The following BOD1 variants were observed in gnomAD, a reference collection of about 807,000 sequenced individuals.
BOD1 encodes biorientation of chromosomes in cell division 1.
A neutral mutation model predicts 15.7 loss-of-function variants in BOD1; 11 were observed. That is an observed-to-expected ratio of 0.70 (90% CI 0.44 to 1.16). The LOEUF is 1.16. Ranked by LOEUF, BOD1 falls within the 50% of genes most tolerant of loss-of-function variation. The probability of loss-of-function intolerance (pLI) is 0.00; values close to 1 mark genes in which losing one functional copy is unlikely to be tolerated. For synonymous variants in BOD1, 105 were observed against 103.5 expected, an observed-to-expected ratio of 1.01 and a Z score of -0.09; for missense variants, 182 against 244.5, an observed-to-expected ratio of 0.74 and a Z score of 1.70.
intron 2 of BOD1, among the ~76,000 whole-genome samples, chr5:173,610,751 T>C (rs1287744376): frequency 3.3e-5 from 5 of 152,228 alleles, no homozygotes; most frequent in Non-Finnish European, 5.9e-5. Flanking sequence ...TAAATGCCTG[T>C]GTCCCCCAGA....
chr5:173,615,320 C>T (rs1445512262), intron 1 of BOD1, among the ~76,000 whole-genome samples: 5 of 152,196 alleles, frequency 3.3e-5, no homozygotes, highest in Non-Finnish European at 7.3e-5. Context: ...GGCCAATAAA[C>T]GTTCAACGAA....
At position 173,607,734 on chromosome 5, in the gene BOD1, CA is replaced by C. The variant is rs1449736343; in HGVS notation, c.*559del. 1 of 153,196 alleles carries C rather than the reference CA, an allele frequency of 6.5e-6. No individual in the cohort carries two copies. Among genetic ancestry groups the C allele is most frequent in the Non-Finnish European group, 1.5e-5 (1 of 68,612 alleles). 9.5% of individuals were successfully genotyped at this position (153,196 alleles called of 1,614,324 possible). The stretch of plus-strand genomic sequence containing the variant: ...CATTCTAGGATTTCATGTTTCGTTA[CA>C]AAGGAAAGGAAACTGGCTAGAAGAT... On this transcript the variant is annotated 3_prime_UTR_variant, in exon 4 of 4. Transcript: ENST00000311086.
At chr5:173,612,024 T>A (rs1755368071) in intron 2 of BOD1, among the ~76,000 whole-genome samples, 1 of 152,226 alleles carries the variant, frequency 6.6e-6, no homozygotes, top group South Asian at 2.1e-4. Flanking sequence ...GCAGCTACTG[T>A]CCCCTTCTTT....
chr5:173,616,110 T>C (rs1384520609), intron 1 of BOD1, 90 bp downstream of exon 1: 1 of 1,483,660 alleles, frequency 6.7e-7, no homozygotes, highest in Non-Finnish European at 9.1e-7. Flanking sequence ...AGCTATCTTT[T>C]GTTTTGCTCT....
Position 173,608,145 on chromosome 5 carries a change from C to T in BOD1, c.*149G>A. 1 of 950,262 alleles carries T rather than the reference C, an allele frequency of 1.1e-6. No homozygotes were observed. The highest frequency in any genetic ancestry group is 1.4e-5 in the South Asian group (1 of 72,250). The allele number at this position is 950,262 out of a possible 1,614,324, so 58.9% of individuals were successfully genotyped here. A position where few individuals can be genotyped will look rare whatever the true frequency, so the allele number is the denominator to read the frequency against. ...ACTCTCCCACTGCCGAACTTGCTCC[C>T]CTTTCAATCTGGTCACTGCCCATGG... On this transcript the variant is annotated 3_prime_UTR_variant, in exon 4 of 4. Transcript: ENST00000311086.
chr5:173,611,644 G>A (rs750053919), intron 2 of BOD1, among the ~76,000 whole-genome samples: 1 of 152,196 alleles, frequency 6.6e-6, no homozygotes, highest in Non-Finnish European at 1.5e-5. Context: ...AAGTACATCC[G>A]GAGCTAGGCT....
At chr5:173,609,216 G>A in intron 3 of BOD1, 22 bp downstream of exon 3, 1 of 1,354,334 alleles carries the variant, frequency 7.4e-7, no homozygotes, top group East Asian at 2.2e-5. Context: ...CATACTCCTG[G>A]ACAGAAGATA....
chr5:173,616,103 T>C lies in BOD1; in HGVS notation c.237+97A>G, dbSNP rs941580113. Reference sequence around the variant, plus strand: ...GACCTCACCGCTGAGATTTCTAAGCTATCTTTTGTTTTGCTCTCGGCTTTC... The same window carrying C: ...GACCTCACCGCTGAGATTTCTAAGCCATCTTTTGTTTTGCTCTCGGCTTTC... On this transcript the variant is annotated intron_variant, in intron 1 of 3. Coordinates refer to ENST00000311086, the MANE Select transcript of BOD1 (RefSeq NM_138369.3). 5 of 1,454,952 alleles carry C rather than the reference T, an allele frequency of 3.4e-6. No individual in the cohort carries two copies. In the African/African-American group the frequency reaches 5.7e-5, roughly 17 times the overall value. 90.1% of individuals were successfully genotyped at this position (1,454,952 alleles called of 1,614,324 possible).
At chr5:173,613,887 T>C (rs139835113) in intron 1 of BOD1, among the ~76,000 whole-genome samples, 262 of 152,362 alleles carry the variant, frequency 1.7e-3, no homozygotes, top group African/African-American at 5.9e-3. Flanking sequence ...TTCTTTCTAG[T>C]AACTGTCTTC....
At chr5:173,611,499 T>A (rs760057319) in intron 2 of BOD1, among the ~76,000 whole-genome samples, 33 of 151,884 alleles carry the variant, frequency 2.2e-4, no homozygotes, top group Admixed American at 2.2e-3. Flanking sequence ...TGTTTTCAGG[T>A]TAAACACATT....
Position 173,609,290 on chromosome 5 carries a change from AG to A in BOD1, c.506del (p.Pro169LeufsTer25), listed in dbSNP as rs35257942. 1 of 1,614,166 alleles carries A rather than the reference AG, an allele frequency of 6.2e-7. No homozygotes were observed. Among genetic ancestry groups the A allele is most frequent in the Non-Finnish European group, 8.5e-7 (1 of 1,180,038 alleles). ...AQKKAAVPAP[P>X]PEPEGQDPPA... The stretch of plus-strand genomic sequence containing the variant: ...GAGGGTCCTGGCCTTCGGGCTCTGG[AG>A]GGGGTGCTGGCACAGCTGCTTTTTT... On this transcript the variant is annotated frameshift_variant, in exon 3 of 4. Coordinates refer to ENST00000311086, the MANE Select transcript of BOD1 (RefSeq NM_138369.3). LOFTEE classifies it high-confidence loss of function.
At position 173,616,368 on chromosome 5, in the gene BOD1, G is replaced by C. The variant is rs61742044; in HGVS notation, c.69C>G (p.Ala23=). The change falls in exon 1 of 4, where the codon GCC becomes GCG. Residue 23 remains alanine, a synonymous_variant. Coordinates refer to ENST00000311086, the MANE Select transcript of BOD1 (RefSeq NM_138369.3). ...VGGGGTSQAS[A]GAATGATGAS... The stretch of plus-strand genomic sequence containing the variant: ...CCCCAGTAGCGCCAGTCGCTGCCCC[G>C]GCAGAGGCCTGGCTAGTTCCGCCGC... 10 of 1,528,854 alleles carry C rather than the reference G, an allele frequency of 6.5e-6. No homozygotes were observed. Among genetic ancestry groups the C allele is most frequent in the African/African-American group, 1.4e-5 (1 of 71,490 alleles). 94.7% of individuals were successfully genotyped at this position (1,528,854 alleles called of 1,614,324 possible).
Position 173,607,247 on chromosome 5 carries a change from T to A in BOD1, c.*1047A>T, listed in dbSNP as rs985245793. ...CCCCAGAACTTCTTAATCAGAAATA[T>A]GCATTTTCCCTTAAATCCCCAGGTG... On this transcript the variant is annotated 3_prime_UTR_variant, in exon 4 of 4. Transcript: ENST00000311086. 2.0e-5 allele frequency among the ~76,000 whole-genome samples: 3 copies of A among 152,182 alleles called. No individual in the cohort carries two copies. Among genetic ancestry groups the A allele is most frequent in the African/African-American group, 7.2e-5 (3 of 41,440 alleles).
rs1439085286 is a variant in BOD1 at position 173,609,292 on chromosome 5, G to C, written c.505C>G (p.Pro169Ala). 1.1e-5 allele frequency: 18 copies of C among 1,614,202 alleles called. No homozygotes were observed. The highest frequency in any genetic ancestry group is 2.2e-5 in the East Asian group (1 of 44,878). ...AQKKAAVPAP[P>A]PEPEGQDPPA... is the part of the protein sequence containing the mutation. The stretch of plus-strand genomic sequence containing the variant: ...GGGTCCTGGCCTTCGGGCTCTGGAG[G>C]GGGTGCTGGCACAGCTGCTTTTTTC... Residue 169 changes from proline (P) to alanine (A), a missense_variant, in exon 3 of 4, where the codon CCT (proline) becomes GCT (alanine). Transcript: ENST00000311086.
chr5:173,609,866 C>A (rs1325245213), intron 2 of BOD1: 1 of 164,508 alleles, frequency 6.1e-6, no homozygotes, highest in African/African-American at 2.4e-5. Flanking sequence ...GTAGCTCCAG[C>A]AGCAACCTGT....
Position 173,616,468 on chromosome 5 carries a change from C to G in BOD1, c.-32G>C. 6.4e-7 allele frequency: 1 copy of G among 1,558,044 alleles called. No homozygotes were observed. The highest frequency in any genetic ancestry group is 1.1e-5 in the South Asian group (1 of 87,014). ...GCCCCGGGCCCACAAGGGAGAACGA[C>G]TATAGCTTCTTCTCCAGGACAGAAG... is the stretch of plus-strand genomic sequence containing the variant. On this transcript the variant is annotated 5_prime_UTR_variant, in exon 1 of 4. Coordinates refer to ENST00000311086, the MANE Select transcript of BOD1 (RefSeq NM_138369.3).
chr5:173,616,568 A>G lies in BOD1; in HGVS notation c.-132T>C. On this transcript the variant is annotated 5_prime_UTR_variant, in exon 1 of 4. Transcript: ENST00000311086. ...CAAGGCGGCAGCGGCGGAGGTGGCG[A>G]TGGCGGCAGGGGCGGTGGTGGGGGC... 7.3e-7 allele frequency: 1 copy of G among 1,378,678 alleles called. No homozygotes were observed. Among genetic ancestry groups the G allele is most frequent in the Non-Finnish European group, 9.3e-7 (1 of 1,072,580 alleles). The allele number at this position is 1,378,678 out of a possible 1,614,324, so 85.4% of individuals were successfully genotyped here. A position where few individuals can be genotyped will look rare whatever the true frequency, so the allele number is the denominator to read the frequency against.
Position 173,616,572 on chromosome 5 carries a change from C to A in BOD1, c.-136G>T. 4 of 1,372,086 alleles carry A rather than the reference C, an allele frequency of 2.9e-6. No homozygotes were observed. The highest frequency in any genetic ancestry group is 3.3e-5 in the South Asian group (2 of 61,134). The allele number at this position is 1,372,086 out of a possible 1,614,324, so 85.0% of individuals were successfully genotyped here. A position where few individuals can be genotyped will look rare whatever the true frequency, so the allele number is the denominator to read the frequency against. The stretch of plus-strand genomic sequence containing the variant: ...GCGGCAGCGGCGGAGGTGGCGATGG[C>A]GGCAGGGGCGGTGGTGGGGGCGGCG... On this transcript the variant is annotated 5_prime_UTR_variant, in exon 1 of 4. Coordinates refer to ENST00000311086, the MANE Select transcript of BOD1 (RefSeq NM_138369.3).
Position 173,613,029 on chromosome 5 carries a change from T to C in BOD1, c.362+102A>G, listed in dbSNP as rs192704716. On this transcript the variant is annotated intron_variant, in intron 2 of 3. Transcript: ENST00000311086. ...GCTGCAACTCCTAAGTGATACTTGA[T>C]ATAAAGTCCCATCAACCTTGACTAA... 1.7e-4 allele frequency: 239 copies of C among 1,395,966 alleles called. No homozygotes were observed. In the African/African-American group the frequency reaches 2.7e-3, roughly 16 times the overall value. The allele number at this position is 1,395,966 out of a possible 1,614,324, so 86.5% of individuals were successfully genotyped here.
Sources: allele counts gnomAD v4.1 joint callset (sites outside exome capture counted in the v4.1 genomes callset), GRCh38; gene constraint gnomAD v4.1.1; transcripts MANE v1.5; gene names NCBI Gene and HGNC (gene_info 2026-07-23, HGNC 2026-07-21).